Variants in CXCL13 observed in about 807,000 individuals in gnomAD.
CXCL13 encodes C-X-C motif chemokine ligand 13, also known as C-X-C motif chemokine 13.
A neutral mutation model predicts 12.2 loss-of-function variants in CXCL13; 7 were observed. That is an observed-to-expected ratio of 0.57 (90% CI 0.33 to 1.07). The LOEUF is 1.07. Ranked by LOEUF, CXCL13 falls within the 50% of genes least tolerant of loss-of-function variation. CXCL13 has a pLI of 0.04. For synonymous variants in CXCL13, 47 were observed against 42.4 expected (o/e 1.11, Z -0.42); for missense variants, 113 against 127.4 (o/e 0.89, Z 0.55).
At chr4:77,519,699 GC>G (rs1388929460) in intron 1 of CXCL13, among the ~76,000 whole-genome samples, 1 of 152,162 alleles carries the variant, frequency 6.6e-6, no homozygotes, top group African/African-American at 2.4e-5. Flanking sequence ...CTTTTGCTGT[GC>G]AGAAGATCTT....
rs149820197 is a variant in CXCL13 at position 77,575,228 on chromosome 4, G to T, written c.-42-30596G>T. On this transcript the variant is annotated intron_variant, in intron 1 of 4. Coordinates refer to the CXCL13 transcript ENST00000286758. ...TTAAAATTTCTGAGTCATCATTTTG[G>T]CAAAGTAAATAATTTAAGGAAATCC... Among the ~76,000 whole-genome samples, 424 of 151,896 alleles carry T rather than the reference G, an allele frequency of 2.8e-3. 5 individuals are homozygous for T. In the Middle Eastern group the frequency reaches 0.031, roughly 11 times the overall value.
chr4:77,562,990 G>A (rs959129318), intron 1 of CXCL13, among the ~76,000 whole-genome samples: 1 of 152,072 alleles, frequency 6.6e-6, no homozygotes, highest in Non-Finnish European at 1.5e-5. Flanking sequence ...CACTGTGGAA[G>A]CTTTGTTCTT....
chr4:77,595,454 G>A lies in CXCL13; in HGVS notation c.-42-10370G>A, dbSNP rs573907792. ...AGATAGTTTGCTCATCTGAAGGCAA[G>A]AACAGAGCAATGGCCATGATTTAGT... is the stretch of plus-strand genomic sequence containing the variant. On this transcript the variant is annotated intron_variant, in intron 1 of 4. Transcript: ENST00000286758. 3.9e-5 allele frequency among the ~76,000 whole-genome samples: 6 copies of A among 152,302 alleles called. No individual in the cohort carries two copies. In the East Asian group the frequency reaches 1.2e-3, roughly 29 times the overall value.
intron 1 of CXCL13, among the ~76,000 whole-genome samples, chr4:77,573,065 C>T (rs1726125493): frequency 6.6e-6 from 1 of 151,738 alleles, no homozygotes; most frequent in Admixed American, 6.6e-5. Context: ...AGGGAAACAA[C>T]CGACACTAGT....
rs141555062 is a variant in CXCL13 at position 77,562,289 on chromosome 4, G to A, written c.-42-43535G>A. ...CGGGCAACGCCCCCTGCTCTGCTGCGCTGGGTCCCATCGACTGCCCAAGGG... is the reference window on the plus strand; with the variant it reads ...CGGGCAACGCCCCCTGCTCTGCTGCACTGGGTCCCATCGACTGCCCAAGGG... On this transcript the variant is annotated intron_variant, in intron 1 of 4. Transcript: ENST00000286758. Among the ~76,000 whole-genome samples the A allele has an allele frequency of 9.2e-3, 1,392 of 151,656 alleles. 19 individuals are homozygous for A. The highest frequency in any genetic ancestry group is 0.032 in the African/African-American group (1,302 of 41,326).
intron 1 of CXCL13, among the ~76,000 whole-genome samples, chr4:77,549,027 T>C (rs1725442080): frequency 6.6e-6 from 1 of 152,228 alleles, no homozygotes; most frequent in Non-Finnish European, 1.5e-5. Context: ...GGATGCTTTG[T>C]TCATTTCTTT....
chr4:77,563,050 G>T lies in CXCL13; in HGVS notation c.-42-42774G>T, dbSNP rs193277757. On this transcript the variant is annotated intron_variant, in intron 1 of 4. Transcript: ENST00000286758. ...GCTTCTCACTCTTTGGGTCCGCACT[G>T]CCTTTATGAGCTGTAACACTCACCA... Among the ~76,000 whole-genome samples the T allele has an allele frequency of 3.8e-3, 579 of 152,168 alleles. 2 individuals carry two copies. The highest frequency in any genetic ancestry group is 6.6e-3 in the Non-Finnish European group (448 of 68,018).
intron 1 of CXCL13, among the ~76,000 whole-genome samples, chr4:77,556,621 A>G (rs1010128094): frequency 5.3e-5 from 8 of 152,240 alleles, no homozygotes; most frequent in African/African-American, 1.7e-4. Flanking sequence ...TGATTTATAT[A>G]TCATTGTGAT....
At chr4:77,534,422 T>G (rs1725009541) in intron 1 of CXCL13, among the ~76,000 whole-genome samples, 1 of 152,144 alleles carries the variant, frequency 6.6e-6, no homozygotes, top group African/African-American at 2.4e-5. Flanking sequence ...ACGACCAAAT[T>G]ATTGATATAC....
intron 1 of CXCL13, among the ~76,000 whole-genome samples, chr4:77,562,019 G>T (rs1356049525): frequency 6.6e-6 from 1 of 152,176 alleles, no homozygotes; most frequent in Non-Finnish European, 1.5e-5. Flanking sequence ...TGGGCCAGCA[G>T]CTGCGGAGGG....
chr4:77,587,203 C>A (rs1470033036), intron 1 of CXCL13, among the ~76,000 whole-genome samples: 1 of 152,166 alleles, frequency 6.6e-6, no homozygotes, highest in Non-Finnish European at 1.5e-5. Context: ...CCAGTCAAAA[C>A]AAGAAAAGTG....
At chr4:77,541,087 T>C (rs1725196795) in intron 1 of CXCL13, among the ~76,000 whole-genome samples, 1 of 152,114 alleles carries the variant, frequency 6.6e-6, no homozygotes, top group Non-Finnish European at 1.5e-5. Context: ...CTTTTGCCCA[T>C]TCTTAATGGG....
At chr4:77,561,175 A>C (rs1487039575) in intron 1 of CXCL13, among the ~76,000 whole-genome samples, 1 of 152,210 alleles carries the variant, frequency 6.6e-6, no homozygotes, top group Non-Finnish European at 1.5e-5. Context: ...GAAATTTTAG[A>C]ATGGTTTGAA....
chr4:77,554,738 G>T (rs1337810735), intron 1 of CXCL13, among the ~76,000 whole-genome samples: 1 of 152,002 alleles, frequency 6.6e-6, no homozygotes, highest in Non-Finnish European at 1.5e-5. Flanking sequence ...AAACAATATA[G>T]ACTGTGTCCT....
chr4:77,596,385 G>A (rs1726749211), intron 1 of CXCL13, among the ~76,000 whole-genome samples: 1 of 152,178 alleles, frequency 6.6e-6, no homozygotes, highest in East Asian at 1.9e-4. Flanking sequence ...GTGTAAATTA[G>A]TACAGTCATT....
chr4:77,602,663 AT>A (rs139574805), upstream of CXCL13, among the ~76,000 whole-genome samples: 4,003 of 152,122 alleles, frequency 0.026, 79 homozygotes, highest in Non-Finnish European at 0.041. Flanking sequence ...CTTCCCTATA[AT>A]TTTCTCATTT....
At chr4:77,519,259 A>T (rs1213291495) in intron 1 of CXCL13, among the ~76,000 whole-genome samples, 1 of 152,112 alleles carries the variant, frequency 6.6e-6, no homozygotes, top group Admixed American at 6.5e-5. Flanking sequence ...GACCCACTTG[A>T]GGCAGTCTGC....
At chr4:77,555,990 CT>C (rs753967618) in intron 1 of CXCL13, among the ~76,000 whole-genome samples, 13 of 152,172 alleles carry the variant, frequency 8.5e-5, no homozygotes, top group Non-Finnish European at 1.9e-4. Flanking sequence ...CACTGAAACT[CT>C]CTCATATATT....
intron 1 of CXCL13, among the ~76,000 whole-genome samples, chr4:77,598,146 C>G (rs1726808120): frequency 6.6e-6 from 1 of 152,174 alleles, no homozygotes. Flanking sequence ...ATACTGCCTC[C>G]AAAGGACTGG....
Sources: gnomAD v4.1 joint callset for allele counts (sites outside exome capture counted in the v4.1 genomes callset) on GRCh38, gnomAD v4.1.1 for gene constraint, MANE v1.5 for transcripts, NCBI Gene and HGNC (gene_info 2026-07-23, HGNC 2026-07-21) for gene names.